The following CEP57L1 variants were observed in gnomAD, a reference collection of about 807,000 sequenced individuals.
The protein encoded by CEP57L1 is centrosomal protein CEP57L1.
Under a neutral mutation model 61.0 loss-of-function variants are expected in CEP57L1, and 37 were observed. The observed-to-expected ratio is 0.61, with a 90% confidence interval of 0.47 to 0.80. CEP57L1 has a LOEUF of 0.80. CEP57L1 is among the 30% of genes least tolerant of loss of function. The pLI, the probability that CEP57L1 is intolerant of heterozygous loss-of-function variation, is 0.00. For synonymous variants in CEP57L1, 137 were observed against 162.3 expected, an observed-to-expected ratio of 0.84 and a Z score of 1.19; for missense variants, 422 against 524.7, an observed-to-expected ratio of 0.80 and a Z score of 1.91.
At chr6:109,140,623 CT>C (rs1771261781) in intron 1 of CEP57L1, 1 of 152,002 alleles carries the variant, frequency 6.6e-6, no homozygotes, top group Admixed American at 6.6e-5. Flanking sequence ...TGGTCTCGAA[CT>C]CCTGACCTCG....
rs113721386 is a variant in CEP57L1 at position 109,173,934 on chromosome 6, TAA to T, written c.*10979_*10980del. On this transcript the variant is annotated 3_prime_UTR_variant, in exon 11 of 11. Coordinates refer to ENST00000517392, the MANE Select transcript of CEP57L1 (RefSeq NM_001271852.3). The stretch of plus-strand genomic sequence containing the variant: ...CAACATGGTGAAACCCCGTCTCTAC[TAA>T]AAAAAAAAAAAAAATTAGCTGGGTG... Among the ~76,000 whole-genome samples, 5 of 136,968 alleles carry T rather than the reference TAA, an allele frequency of 3.7e-5. No individual in the cohort carries two copies. Among genetic ancestry groups the T allele is most frequent in the Admixed American group, 1.5e-4 (2 of 13,526 alleles). 89.9% of individuals were successfully genotyped at this position (136,968 alleles called of 152,430 possible).
In CEP57L1 at chr6:109,160,621, G is replaced by A; in HGVS notation, c.1066G>A (p.Val356Ile). 5 of 1,606,518 alleles carry A rather than the reference G, an allele frequency of 3.1e-6. No homozygotes were observed. The highest frequency in any genetic ancestry group is 4.2e-6 in the Non-Finnish European group (5 of 1,177,602). ...AATGAAGGAAACTGAAAGTCATTCAGTCTGTGACGACATAGAATGTGAACT... is the reference window on the plus strand; with the variant it reads ...AATGAAGGAAACTGAAAGTCATTCAATCTGTGACGACATAGAATGTGAACT... ...KQMKETESHS[V>I]CDDIECELEC... Residue 356 changes from valine to isoleucine, a missense_variant, in exon 10 of 11, where the codon GTC (valine) becomes ATC (isoleucine). Val to Ile is a conservative substitution (Grantham distance 29). Coordinates refer to ENST00000517392, the MANE Select transcript of CEP57L1 (RefSeq NM_001271852.3).
intron 1 of CEP57L1, among the ~76,000 whole-genome samples, chr6:109,114,962 A>T (rs1459640754): frequency 3.3e-5 from 5 of 152,210 alleles, no homozygotes; most frequent in African/African-American, 1.2e-4. Flanking sequence ...TATACCCCAT[A>T]AATATATACA....
At chr6:109,099,670 C>A (rs1782138394) in intron 1 of CEP57L1, among the ~76,000 whole-genome samples, 1 of 152,176 alleles carries the variant, frequency 6.6e-6, no homozygotes, top group Admixed American at 6.5e-5. Flanking sequence ...CTGCCTCAGC[C>A]TCCTGAGTAG....
intron 1 of CEP57L1, among the ~76,000 whole-genome samples, chr6:109,135,059 A>G (rs1399733262): frequency 6.6e-6 from 1 of 151,978 alleles, no homozygotes; most frequent in African/African-American, 2.4e-5. Flanking sequence ...ATTGGAAAAA[A>G]CTACTTTAAA....
chr6:109,134,172 T>C (rs1007438468), intron 1 of CEP57L1, among the ~76,000 whole-genome samples: 2 of 152,104 alleles, frequency 1.3e-5, no homozygotes, highest in African/African-American at 4.8e-5. Flanking sequence ...AATATAATAC[T>C]GGCAAACTGA....
rs351733 is a variant in CEP57L1 at position 109,155,232 on chromosome 6, C to T, written c.582C>T (p.Asp194=). The T allele has an allele frequency of 2.1e-5, 33 of 1,557,746 alleles. No homozygotes were observed. The highest frequency in any genetic ancestry group is 2.9e-5 in the Non-Finnish European group (33 of 1,146,068). The stretch of plus-strand genomic sequence containing the variant: ...TCTTAGTTTTTACTCTTTTGCAGGA[C>T]AAGATTAAACATTTAGAAGAAAAAC... ...RLTTTQKTAE[D]KIKHLEEKLK... Residue 194 remains aspartate (D), a splice_region_variant and synonymous_variant, in exon 6 of 11, where the codon GAC becomes GAT. Transcript: ENST00000517392.
intron 1 of CEP57L1, among the ~76,000 whole-genome samples, chr6:109,111,910 G>T (rs962374520): frequency 6.6e-6 from 1 of 152,172 alleles, no homozygotes; most frequent in Admixed American, 6.5e-5. Flanking sequence ...TTCATGTGCT[G>T]CTGGATTCAG....
chr6:109,158,486 C>G (rs1274182802), intron 7 of CEP57L1: 1 of 371,976 alleles, frequency 2.7e-6, no homozygotes, highest in African/African-American at 2.2e-5. Context: ...GAGACCCTAT[C>G]TCAAAAAAAA....
rs1774237254 is a variant in CEP57L1 at position 109,168,492 on chromosome 6, C to G, written c.*5522C>G. Among the ~76,000 whole-genome samples, 1 of 151,930 alleles carries G rather than the reference C, an allele frequency of 6.6e-6. No homozygotes were observed. The highest frequency in any genetic ancestry group is 6.6e-5 in the Admixed American group (1 of 15,246). ...ACTTAAGCCACTCAATTTCTGCATA[C>G]TTCAGCCTCCTCATTGGTTGGATCC... On this transcript the variant is annotated 3_prime_UTR_variant, in exon 11 of 11. Coordinates refer to ENST00000517392, the MANE Select transcript of CEP57L1 (RefSeq NM_001271852.3).
At chr6:109,110,153 C>T (rs1180162794) in intron 1 of CEP57L1, among the ~76,000 whole-genome samples, 2 of 152,214 alleles carry the variant, frequency 1.3e-5, no homozygotes, top group East Asian at 3.8e-4. Context: ...TACACTCCCA[C>T]CAACAGAGTA....
At position 109,166,414 on chromosome 6, in the gene CEP57L1, C is replaced by T. The variant is rs181451241; in HGVS notation, c.*3444C>T. On this transcript the variant is annotated 3_prime_UTR_variant, in exon 11 of 11. Coordinates refer to ENST00000517392, the MANE Select transcript of CEP57L1 (RefSeq NM_001271852.3). The stretch of plus-strand genomic sequence containing the variant: ...TTTTTTTTTGGTGGGCATGGAGTCT[C>T]GCTGTGTCACCCAGGCTAGAGTGCA... 1.0e-4 allele frequency among the ~76,000 whole-genome samples: 15 copies of T among 143,348 alleles called. No homozygotes were observed. The East Asian group carries it at 1.8e-3, about 17-fold the overall frequency. 94.0% of individuals were successfully genotyped at this position (143,348 alleles called of 152,430 possible).
At position 109,166,582 on chromosome 6, in the gene CEP57L1, T is replaced by C. The variant is rs187439472; in HGVS notation, c.*3612T>C. On this transcript the variant is annotated 3_prime_UTR_variant, in exon 11 of 11. Transcript: ENST00000517392. ...ATTTTTAGTAGAGATGGGGTTTCAC[T>C]GTGTTAGCCAGGATGGTCTGGATCT... Among the ~76,000 whole-genome samples the C allele has an allele frequency of 7.5e-3, 1,143 of 152,094 alleles. 18 individuals are homozygous for C. Among genetic ancestry groups the C allele is most frequent in the African/African-American group, 0.026 (1,093 of 41,520 alleles).
chr6:109,136,291 C>G (rs1010932254), intron 1 of CEP57L1, among the ~76,000 whole-genome samples: 1 of 152,142 alleles, frequency 6.6e-6, no homozygotes, highest in Non-Finnish European at 1.5e-5. Flanking sequence ...TGGAAACCAT[C>G]ATTCTCAGCA....
At chr6:109,121,315 C>T (rs1772945154) in intron 1 of CEP57L1, among the ~76,000 whole-genome samples, 1 of 152,118 alleles carries the variant, frequency 6.6e-6, no homozygotes, top group African/African-American at 2.4e-5. Context: ...TAAAAGACCC[C>T]AGAGCAACTA....
intron 2 of CEP57L1, 23 bp from the exon 3 acceptor site, chr6:109,146,735 T>G: frequency 1.3e-6 from 2 of 1,494,536 alleles, no homozygotes; most frequent in Non-Finnish European, 1.8e-6. Context: ...ACTTAAAATA[T>G]CAACAAAATT....
intron 7 of CEP57L1, chr6:109,158,820 T>C: frequency 1.7e-6 from 1 of 592,178 alleles, no homozygotes; most frequent in East Asian, 2.9e-5. Context: ...TTCACTGTAA[T>C]TTTAACTCGC....
At position 109,112,153 on chromosome 6, in the gene CEP57L1, T is replaced by C. The variant is rs539772689; in HGVS notation, c.-4+16578T>C. Among the ~76,000 whole-genome samples the C allele has an allele frequency of 2.0e-5, 3 of 152,334 alleles. No individual in the cohort carries two copies. The South Asian group carries it at 6.2e-4, about 32-fold the overall frequency. On this transcript the variant is annotated intron_variant, in intron 1 of 10. Coordinates refer to ENST00000517392, the MANE Select transcript of CEP57L1 (RefSeq NM_001271852.3). ...ATTCGGCTGTGAATCTCTCTGGTCC[T>C]GGGCTTTTTTTGGTGGGTAGGCTAT...
At chr6:109,100,672 CAAAA>C (rs539993641) in intron 1 of CEP57L1, among the ~76,000 whole-genome samples, 4 of 74,050 alleles carry the variant, frequency 5.4e-5, no homozygotes, top group African/African-American at 1.5e-4. Context: ...GAGATTGTCT[CAAAA>C]AAAAAAAAAA....
Sources: allele counts gnomAD v4.1 joint callset (sites outside exome capture counted in the v4.1 genomes callset), GRCh38; gene constraint gnomAD v4.1.1; transcripts MANE v1.5; gene names NCBI Gene and HGNC (gene_info 2026-07-23, HGNC 2026-07-21).